The following ERC2 variants were observed in gnomAD, a reference collection of about 807,000 sequenced individuals.
ERC2 encodes ELKS/RAB6-interacting/CAST family member 2.
ERC2 carries 42 observed loss-of-function variants against 114.8 expected under a neutral mutation model. The observed-to-expected ratio is 0.37, with a 90% CI of 0.29 to 0.47. ERC2 has a LOEUF of 0.47. Among genes scored for constraint, ERC2 ranks in the 20% least tolerant of loss-of-function variants. The pLI is 0.99. For synonymous variants in ERC2, 454 were observed against 425.5 expected (o/e 1.07, Z -0.82); for missense variants, 939 against 1,150.7 (o/e 0.82, Z 2.66).
intron 12 of ERC2, among the ~76,000 whole-genome samples, chr3:55,975,971 C>T (rs1323562164): frequency 6.6e-6 from 1 of 152,172 alleles, no homozygotes; most frequent in African/African-American, 2.4e-5. Context: ...CCATGACATT[C>T]ATATAGAATT....
At chr3:56,305,031 A>G (rs1363615398) in intron 2 of ERC2, among the ~76,000 whole-genome samples, 1 of 152,162 alleles carries the variant, frequency 6.6e-6, no homozygotes, top group Non-Finnish European at 1.5e-5. Flanking sequence ...TAATAATTCA[A>G]AAGAAGGAAA....
chr3:56,189,803 G>A (rs1328697886), intron 3 of ERC2, among the ~76,000 whole-genome samples: 1 of 152,152 alleles, frequency 6.6e-6, no homozygotes, highest in African/African-American at 2.4e-5. Flanking sequence ...GGCACTCTCT[G>A]CAAGCCAACC....
intron 14 of ERC2, among the ~76,000 whole-genome samples, chr3:55,821,052 T>G (rs754726136): frequency 1.3e-5 from 2 of 152,028 alleles, no homozygotes; most frequent in Non-Finnish European, 2.9e-5. Context: ...TGAAGGGTGC[T>G]AGAGCGTGTG....
chr3:56,396,170 T>C (rs568635596), intron 2 of ERC2, among the ~76,000 whole-genome samples: 4 of 152,342 alleles, frequency 2.6e-5, no homozygotes, highest in Admixed American at 2.0e-4. Context: ...CATGTTCATA[T>C]CCTTTTACTT....
chr3:55,860,678 T>C (rs1295338680), intron 14 of ERC2, among the ~76,000 whole-genome samples: 1 of 152,168 alleles, frequency 6.6e-6, no homozygotes, highest in Admixed American at 6.5e-5. Flanking sequence ...CCCCTGCTAA[T>C]GAGGTAAGAG....
intron 6 of ERC2, among the ~76,000 whole-genome samples, chr3:56,091,303 G>C (rs2077774034): frequency 6.6e-6 from 1 of 152,162 alleles, no homozygotes; most frequent in Non-Finnish European, 1.5e-5. Context: ...GGGATGAAAG[G>C]AAGGAAGATA....
intron 1 of ERC2, among the ~76,000 whole-genome samples, chr3:56,459,795 C>G (rs776147970): frequency 5.9e-5 from 9 of 152,156 alleles, no homozygotes; most frequent in Non-Finnish European, 1.2e-4. Flanking sequence ...TTATTTTCTT[C>G]TCTTCTTCCA....
At chr3:55,629,132 C>T (rs2059641250) in intron 17 of ERC2, among the ~76,000 whole-genome samples, 1 of 151,198 alleles carries the variant, frequency 6.6e-6, no homozygotes, top group Non-Finnish European at 1.5e-5. Context: ...GACCCACCCT[C>T]CATAAAGCAA....
At chr3:56,189,867 C>T (rs2083880575) in intron 3 of ERC2, among the ~76,000 whole-genome samples, 1 of 152,202 alleles carries the variant, frequency 6.6e-6, no homozygotes, top group Non-Finnish European at 1.5e-5. Context: ...GTCCAAGCAA[C>T]TCTGGAATAT....
At chr3:56,340,289 TA>T (rs897853110) in intron 2 of ERC2, among the ~76,000 whole-genome samples, 16 of 152,114 alleles carry the variant, frequency 1.1e-4, no homozygotes, top group Admixed American at 6.6e-5. Context: ...AGCTTAAAAT[TA>T]AATAAAGATA....
intron 2 of ERC2, among the ~76,000 whole-genome samples, chr3:56,336,326 G>C (rs1015472829): frequency 3.3e-5 from 5 of 152,202 alleles, no homozygotes; most frequent in African/African-American, 9.6e-5. Context: ...GTTGTGGTTG[G>C]AACATAGAAA....
intron 17 of ERC2, chr3:55,613,091 T>G (rs2058974732): frequency 6.6e-6 from 1 of 152,226 alleles, no homozygotes; most frequent in Non-Finnish European, 1.5e-5. Context: ...AAATGTACTT[T>G]TCTGGAGCAT....
At chr3:56,425,511 T>G (rs2061533377) in intron 2 of ERC2, among the ~76,000 whole-genome samples, 1 of 151,842 alleles carries the variant, frequency 6.6e-6, no homozygotes, top group South Asian at 2.1e-4. Context: ...ACTTGATCCT[T>G]TCTGCAATTT....
At chr3:56,059,338 C>A (rs13072942) in intron 7 of ERC2, among the ~76,000 whole-genome samples, 2 of 152,278 alleles carry the variant, frequency 1.3e-5, no homozygotes, top group East Asian at 3.9e-4. Context: ...ATCTGCCCAC[C>A]TCGGCCTCCC....
intron 7 of ERC2, among the ~76,000 whole-genome samples, chr3:56,068,757 T>C (rs1434931818): frequency 2.0e-5 from 3 of 152,172 alleles, no homozygotes; most frequent in Admixed American, 1.3e-4. Context: ...TTTGCTCTCA[T>C]TGGTTTCAAA....
Position 55,617,464 on chromosome 3 carries a change from A to G in ERC2, c.*39+66330T>C, listed in dbSNP as rs1194468578. Among the ~76,000 whole-genome samples the G allele has an allele frequency of 2.0e-5, 3 of 152,206 alleles. 1 individual carries two copies. The highest frequency in any genetic ancestry group is 2.0e-4 in the Admixed American group (3 of 15,286). ...GCAAGGCTGTCTCTCAAGGAGACTTACCAAGTTGGGCTGAGGTCTCATTCC... is the reference window on the plus strand; with the variant it reads ...GCAAGGCTGTCTCTCAAGGAGACTTGCCAAGTTGGGCTGAGGTCTCATTCC... On this transcript the variant is annotated intron_variant, in intron 17 of 17. Coordinates refer to ENST00000288221, the MANE Select transcript of ERC2 (RefSeq NM_015576.3).
At position 56,345,384 on chromosome 3, in the gene ERC2, T is replaced by C. The variant is rs140284948; in HGVS notation, c.658-48949A>G. 8.5e-3 allele frequency among the ~76,000 whole-genome samples: 1,290 copies of C among 152,290 alleles called. 13 individuals carry two copies. Among genetic ancestry groups the C allele is most frequent in the Middle Eastern group, 0.024 (7 of 294 alleles). On this transcript the variant is annotated intron_variant, in intron 2 of 17. Transcript: ENST00000288221. ...TACAGTCTGGTTGAAAGGGCAAGCA[T>C]TGGGCCAAACACTACCCAGAGAAGT...
At chr3:56,025,210 G>A (rs1250022886) in intron 7 of ERC2, among the ~76,000 whole-genome samples, 2 of 152,184 alleles carry the variant, frequency 1.3e-5, no homozygotes, top group African/African-American at 2.4e-5. Context: ...GGCAAGGCTG[G>A]TTGCTAGTAC....
At chr3:55,898,362 TTCTC>T (rs1270110922) in intron 13 of ERC2, among the ~76,000 whole-genome samples, 1 of 152,146 alleles carries the variant, frequency 6.6e-6, no homozygotes, top group Non-Finnish European at 1.5e-5. Flanking sequence ...AGAGATGGCC[TTCTC>T]TCTAACAGCC....
Sources: gnomAD v4.1 joint callset for allele counts (sites outside exome capture counted in the v4.1 genomes callset) on GRCh38, gnomAD v4.1.1 for gene constraint, MANE v1.5 for transcripts, NCBI Gene and HGNC (gene_info 2026-07-23, HGNC 2026-07-21) for gene names.